Variants in PTPRN2 observed in about 807,000 individuals in gnomAD.
The protein encoded by PTPRN2 is receptor-type tyrosine-protein phosphatase N2.
In PTPRN2, 74 loss-of-function variants were observed where a neutral mutation model predicts 118.8. The observed-to-expected ratio is 0.62, with a 90% CI of 0.52 to 0.76. The LOEUF (loss-of-function observed/expected upper bound fraction) is 0.76, where lower values mean the gene tolerates loss of function less well. Among genes scored for constraint, PTPRN2 ranks in the 30% least tolerant of loss-of-function variants. The pLI, the probability that PTPRN2 is intolerant of heterozygous loss-of-function variation, is 0.00. For synonymous variants in PTPRN2, 641 were observed against 608.0 expected, an observed-to-expected ratio of 1.05 and a Z score of -0.80; for missense variants, 1,481 against 1,394.4, an observed-to-expected ratio of 1.06 and a Z score of -0.99.
intron 2 of PTPRN2, among the ~76,000 whole-genome samples, chr7:158,414,624 G>A (rs139002465): frequency 2.0e-5 from 3 of 152,328 alleles, no homozygotes; most frequent in African/African-American, 4.8e-5. Flanking sequence ...GGCCGCCCCC[G>A]CTTCCACGGC....
At chr7:158,188,202 C>CACGCTCGCCCCGCGATGGGGAAGGCCGCG in intron 5 of PTPRN2, among the ~76,000 whole-genome samples, 1 of 112,120 alleles carries the variant, frequency 8.9e-6, no homozygotes, top group Non-Finnish European at 1.9e-5. Flanking sequence ...GGAAGGCCGC[C>CACGCTCGCCCCGCGATGGGGAAGGCCGCG]ACGCTCGCCG....
At chr7:158,208,865 T>G (rs915413996) in intron 3 of PTPRN2, among the ~76,000 whole-genome samples, 6 of 152,108 alleles carry the variant, frequency 3.9e-5, no homozygotes, top group East Asian at 1.9e-4. Context: ...AAGATATAAA[T>G]AGAAACAACA....
intron 8 of PTPRN2, 150 bp from the exon 9 acceptor site, chr7:158,134,209 C>G: frequency 1.1e-6 from 1 of 880,012 alleles, no homozygotes; most frequent in Non-Finnish European, 1.7e-6. Context: ...TGTGTGCAGT[C>G]TATATTTAGA....
intron 12 of PTPRN2, among the ~76,000 whole-genome samples, chr7:157,880,034 G>T (rs1675985173): frequency 6.6e-6 from 1 of 152,150 alleles, no homozygotes; most frequent in Non-Finnish European, 1.5e-5. Flanking sequence ...GACAGTCCTT[G>T]AGATAATCCC....
chr7:157,559,924 C>T (rs1234003405), intron 21 of PTPRN2, among the ~76,000 whole-genome samples: 4 of 152,122 alleles, frequency 2.6e-5, no homozygotes, highest in South Asian at 2.1e-4. Flanking sequence ...CTCCTGCTGG[C>T]GTGGTCTGAC....
chr7:158,361,130 ACCCTCACCCGGGGTGACCCACAGACCCTG>A lies in PTPRN2; in HGVS notation c.164-44227_164-44199del, dbSNP rs1484090337. Reference sequence around the variant, plus strand: ...AGGATGACGCACAGACCCCGCGTCCACCCTCACCCGGGGTGACCCACAGACCCTGCATCCACCCTCACCCAGGATGATGC... The same window carrying A: ...AGGATGACGCACAGACCCCGCGTCCACATCCACCCTCACCCAGGATGATGC... On this transcript the variant is annotated intron_variant, in intron 2 of 22. Transcript: ENST00000389418. Among the ~76,000 whole-genome samples, 4 of 8,458 alleles carry A rather than the reference ACCCTCACCCGGGGTGACCCACAGACCCTG, an allele frequency of 4.7e-4. 2 individuals are homozygous for A. The highest frequency in any genetic ancestry group is 1.2e-3 in the Admixed American group (2 of 1,712). The allele number at this position is 8,458 out of a possible 152,430, so 5.5% of individuals were successfully genotyped here.
At chr7:158,419,377 C>A (rs1047756982) in intron 2 of PTPRN2, among the ~76,000 whole-genome samples, 2 of 152,252 alleles carry the variant, frequency 1.3e-5, no homozygotes, top group African/African-American at 2.4e-5. Context: ...TCCGTCACTG[C>A]AAGAATTCCT....
Position 157,874,268 on chromosome 7 carries a change from C to G in PTPRN2, c.1788+24405G>C, listed in dbSNP as rs1441166813. 6.6e-6 allele frequency among the ~76,000 whole-genome samples: 1 copy of G among 152,190 alleles called. No individual in the cohort carries two copies. The highest frequency in any genetic ancestry group is 2.4e-5 in the African/African-American group (1 of 41,444). On this transcript the variant is annotated intron_variant, in intron 12 of 22. Transcript: ENST00000389418. The surrounding 1 kb of genome is among the most constrained non-coding windows in gnomAD (Gnocchi z 5.8). ...CCAACACTCCATGGCTCCCCATGGCCTGCAAATCAGATCACAGCCCCTAAG... is the reference window on the plus strand; with the variant it reads ...CCAACACTCCATGGCTCCCCATGGCGTGCAAATCAGATCACAGCCCCTAAG...
rs944255634 is a variant in PTPRN2, at chr7:157,671,722, G to A, written c.2001+11003C>T. ...TGCTTCTCCATTTTCGGAACTGCAC[G>A]TCGTTCTGGGGCCCAATTATTCTAC... On this transcript the variant is annotated intron_variant, in intron 13 of 22. Transcript: ENST00000389418. This position sits in a 1 kb window ranked among gnomAD's most constrained non-coding sequence, Gnocchi z 4.1. Among the ~76,000 whole-genome samples the A allele has an allele frequency of 1.3e-5, 2 of 152,074 alleles. No homozygotes were observed. The highest frequency in any genetic ancestry group is 2.1e-4 in the South Asian group (1 of 4,816).
At chr7:158,416,843 A>G (rs1490359794) in intron 2 of PTPRN2, among the ~76,000 whole-genome samples, 1 of 152,194 alleles carries the variant, frequency 6.6e-6, no homozygotes. Context: ...TAAGACCTTC[A>G]CAGTAAAGGG....
intron 5 of PTPRN2, among the ~76,000 whole-genome samples, chr7:158,188,161 T>TCGCCCCGCGATG (rs1377837681): frequency 2.7e-5 from 3 of 111,134 alleles, no homozygotes; most frequent in South Asian, 3.1e-4. Context: ...CCCCCTGTAC[T>TCGCCCCGCGATG]GGGAAGGCCG....
chr7:157,673,800 C>T (rs971908646), intron 13 of PTPRN2, among the ~76,000 whole-genome samples: 7 of 151,938 alleles, frequency 4.6e-5, no homozygotes, highest in East Asian at 1.9e-4. Flanking sequence ...GGGCTCCCCG[C>T]GTTCTCTGAG....
chr7:157,695,214 T>C (rs1196748325), intron 12 of PTPRN2, among the ~76,000 whole-genome samples: 4 of 152,152 alleles, frequency 2.6e-5, no homozygotes, highest in African/African-American at 9.6e-5. Flanking sequence ...AAAATGTATT[T>C]TTAAACAAAA....
At chr7:158,365,867 C>A (rs1809435831) in intron 2 of PTPRN2, among the ~76,000 whole-genome samples, 1 of 140,990 alleles carries the variant, frequency 7.1e-6, no homozygotes, top group Non-Finnish European at 1.5e-5. Context: ...CACACAGCAT[C>A]CCTGGGAGAA....
chr7:158,489,797 C>G lies in PTPRN2; in HGVS notation c.113-12G>C, dbSNP rs1401567949. The G allele has an allele frequency of 1.3e-6, 2 of 1,569,770 alleles. No homozygotes were observed. Among genetic ancestry groups the G allele is most frequent in the African/African-American group, 2.7e-5 (2 of 73,940 alleles). On this transcript the variant is annotated splice_polypyrimidine_tract_variant and intron_variant, in intron 1 of 22. Coordinates refer to ENST00000389418, the MANE Select transcript of PTPRN2 (RefSeq NM_002847.5). ...CTCGAGCAGGCAGCCTGCGGGGAAA[C>G]AGAGAAGAGACGCGGTCAGCTGGAG...
intron 14 of PTPRN2, among the ~76,000 whole-genome samples, chr7:157,651,418 G>A (rs200281498): frequency 6.6e-6 from 1 of 152,126 alleles, no homozygotes; most frequent in East Asian, 1.9e-4. Context: ...TACTCAGCAC[G>A]GCTTTCCCAA....
At chr7:158,528,939 A>C (rs1018280352) in intron 1 of PTPRN2, among the ~76,000 whole-genome samples, 3 of 152,166 alleles carry the variant, frequency 2.0e-5, no homozygotes, top group African/African-American at 4.8e-5. Context: ...TAAGGTGATG[A>C]GGGGTGGAAA....
At chr7:157,965,081 G>A (rs1436802227) in intron 11 of PTPRN2, among the ~76,000 whole-genome samples, 1 of 152,196 alleles carries the variant, frequency 6.6e-6, no homozygotes, top group East Asian at 1.9e-4. Context: ...AGAACACCAA[G>A]AAAGGGATCT....
At position 158,416,607 on chromosome 7, in the gene PTPRN2, G is replaced by T. The variant is rs187918692; in HGVS notation, c.163+73128C>A. On this transcript the variant is annotated intron_variant, in intron 2 of 22. Coordinates refer to ENST00000389418, the MANE Select transcript of PTPRN2 (RefSeq NM_002847.5). ...AAGTGAATTATCAGAAGAAAGAACAGACAAACAAAGATATAAGTGCACCAG... is the reference window on the plus strand; with the variant it reads ...AAGTGAATTATCAGAAGAAAGAACATACAAACAAAGATATAAGTGCACCAG... 5.6e-3 allele frequency among the ~76,000 whole-genome samples: 850 copies of T among 152,254 alleles called. 4 individuals are homozygous for T. Among genetic ancestry groups the T allele is most frequent in the Non-Finnish European group, 7.7e-3 (523 of 68,018 alleles).
Sources: allele counts gnomAD v4.1 joint callset (sites outside exome capture counted in the v4.1 genomes callset), GRCh38; gene constraint gnomAD v4.1.1; non-coding constraint Gnocchi (gnomAD v3.1); transcripts MANE v1.5; gene names NCBI Gene and HGNC (gene_info 2026-07-23, HGNC 2026-07-21).